Variants in FGD4 observed in about 807,000 individuals in gnomAD.
FGD4 encodes FYVE, RhoGEF and PH domain containing 4, also known as FYVE, RhoGEF and PH domain-containing protein 4.
Under a neutral mutation model 102.0 loss-of-function variants are expected in FGD4, and 42 were observed. That is an observed-to-expected ratio of 0.41 (90% confidence interval 0.32 to 0.53). The LOEUF is 0.53. Among genes scored for constraint, FGD4 ranks in the 20% least tolerant of loss-of-function variants. FGD4 has a pLI of 0.21. For synonymous variants in FGD4, 380 were observed against 375.7 expected (o/e 1.01, Z -0.13); for missense variants, 902 against 1,078.2 (o/e 0.84, Z 2.29).
intron 14 of FGD4, 139 bp from the exon 15 acceptor site, chr12:32,633,409 GT>G: frequency 2.4e-6 from 2 of 847,066 alleles, no homozygotes; most frequent in African/African-American, 1.7e-5. Flanking sequence ...TACTTCTAGT[GT>G]TTATAGGGAT....
chr12:32,498,037 C>T (rs1479344044), intron 1 of FGD4, among the ~76,000 whole-genome samples: 3 of 152,144 alleles, frequency 2.0e-5, no homozygotes, highest in African/African-American at 7.2e-5. Flanking sequence ...CAGGACCAGA[C>T]AGAGTAAATG....
chr12:32,437,118 A>G (rs1942257750), intron 1 of FGD4, among the ~76,000 whole-genome samples: 1 of 152,042 alleles, frequency 6.6e-6, no homozygotes, highest in African/African-American at 2.4e-5. Context: ...CAAAAAAAAA[A>G]AAAAAAGGGA....
At chr12:32,450,200 G>A (rs1002869215) in intron 1 of FGD4, among the ~76,000 whole-genome samples, 3 of 152,116 alleles carry the variant, frequency 2.0e-5, no homozygotes, top group African/African-American at 7.2e-5. Flanking sequence ...CAAACTGCTG[G>A]GATTACAGGC....
intron 1 of FGD4, among the ~76,000 whole-genome samples, chr12:32,517,687 G>C (rs915586688): frequency 2.0e-5 from 3 of 152,118 alleles, no homozygotes; most frequent in African/African-American, 7.2e-5. Context: ...GAGCCCAGGA[G>C]TTTGAGACCA....
chr12:32,423,755 C>G (rs989919208), intron 1 of FGD4, among the ~76,000 whole-genome samples: 1 of 151,916 alleles, frequency 6.6e-6, no homozygotes, highest in Non-Finnish European at 1.5e-5. Context: ...AGGAAAGAAG[C>G]TGGTAGTTCC....
At chr12:32,442,858 T>G in intron 1 of FGD4, among the ~76,000 whole-genome samples, 1 of 152,184 alleles carries the variant, frequency 6.6e-6, no homozygotes, top group East Asian at 1.9e-4. Context: ...GTGTCCAGGC[T>G]TCCATCTTTT....
At chr12:32,508,365 T>C (rs887729146) in intron 1 of FGD4, among the ~76,000 whole-genome samples, 1 of 152,200 alleles carries the variant, frequency 6.6e-6, no homozygotes, top group Admixed American at 6.5e-5. Context: ...AACTGGCAGT[T>C]TAAATGATGG....
At chr12:32,581,867 C>A in intron 3 of FGD4, 93 bp from the exon 4 acceptor site, 1 of 1,401,312 alleles carries the variant, frequency 7.1e-7, no homozygotes, top group Non-Finnish European at 9.9e-7. Context: ...AAAAAAGTAG[C>A]GAATATCCCT....
chr12:32,536,642 T>C (rs568551106), intron 1 of FGD4, among the ~76,000 whole-genome samples: 1 of 152,298 alleles, frequency 6.6e-6, no homozygotes, highest in Admixed American at 6.5e-5. Flanking sequence ...TTTTATTCCC[T>C]GGCGAATTGA....
At chr12:32,633,457 A>C (rs1283310888) in intron 14 of FGD4, 92 bp from the exon 15 acceptor site, 15 of 1,380,938 alleles carry the variant, frequency 1.1e-5, no homozygotes, top group Non-Finnish European at 1.5e-5. Context: ...TCTATGCTTA[A>C]CATTTTCTCA....
At chr12:32,564,064 G>T in intron 1 of FGD4, 73 bp from the exon 2 acceptor site, 1 of 1,408,600 alleles carries the variant, frequency 7.1e-7, no homozygotes, top group Non-Finnish European at 9.4e-7. Context: ...TGGGAGAGGG[G>T]AAATTTAACT....
chr12:32,557,693 G>C (rs1354059572), intron 1 of FGD4, among the ~76,000 whole-genome samples: 2 of 152,128 alleles, frequency 1.3e-5, no homozygotes, highest in Non-Finnish European at 1.5e-5. Flanking sequence ...TAGAAGTTTG[G>C]GGAGCTGTTT....
chr12:32,553,308 C>T (rs1290939491), intron 1 of FGD4, among the ~76,000 whole-genome samples: 1 of 152,150 alleles, frequency 6.6e-6, no homozygotes, highest in East Asian at 1.9e-4. Context: ...TGTGTTCTAA[C>T]AGAATTCTAA....
At chr12:32,433,959 G>A (rs1025751170) in intron 1 of FGD4, among the ~76,000 whole-genome samples, 26 of 152,104 alleles carry the variant, frequency 1.7e-4, no homozygotes, top group African/African-American at 5.3e-4. Flanking sequence ...GGGTTCAAGC[G>A]ATTCTTCTGC....
intron 2 of FGD4, 35 bp from the exon 3 acceptor site, chr12:32,576,231 T>C (rs1165708817): frequency 1.3e-6 from 2 of 1,544,998 alleles, no homozygotes; most frequent in African/African-American, 2.7e-5. Flanking sequence ...GAACAAAATA[T>C]CAGTGAAATA....
chr12:32,401,703 C>T (rs1391397260), intron 1 of FGD4, among the ~76,000 whole-genome samples: 1 of 150,034 alleles, frequency 6.7e-6, no homozygotes, highest in African/African-American at 2.5e-5. Flanking sequence ...TGTAAGGTAG[C>T]TCTGCTTTTT....
intron 1 of FGD4, among the ~76,000 whole-genome samples, chr12:32,419,820 C>T (rs1941562345): frequency 6.6e-6 from 1 of 151,522 alleles, no homozygotes; most frequent in African/African-American, 2.4e-5. Context: ...CATCTGAGTG[C>T]AGCCTGGTTC....
intron 1 of FGD4, among the ~76,000 whole-genome samples, chr12:32,518,676 T>C (rs1042736071): frequency 2.0e-5 from 3 of 152,110 alleles, no homozygotes; most frequent in African/African-American, 7.2e-5. Flanking sequence ...GCTGGTTAAG[T>C]GGACTGAGAT....
chr12:32,590,014 T>C (rs1947338819), intron 4 of FGD4, among the ~76,000 whole-genome samples: 1 of 152,066 alleles, frequency 6.6e-6, no homozygotes, highest in African/African-American at 2.4e-5. Flanking sequence ...CACTATATTA[T>C]AAAGCAAGGA....
Sources: gnomAD v4.1 joint callset for allele counts (sites outside exome capture counted in the v4.1 genomes callset) on GRCh38, gnomAD v4.1.1 for gene constraint, MANE v1.5 for transcripts, NCBI Gene and HGNC (gene_info 2026-07-23, HGNC 2026-07-21) for gene names.